RALGAPA2: variants seen among roughly 807,000 people sequenced by gnomAD.
RALGAPA2 encodes Ral GTPase activating protein catalytic subunit alpha 2.
In RALGAPA2, 139 loss-of-function variants were observed where a neutral mutation model predicts 230.4. That is an observed-to-expected ratio of 0.60 (90% CI 0.53 to 0.69). RALGAPA2 has a LOEUF of 0.69. Among genes scored for constraint, RALGAPA2 ranks in the 30% least tolerant of loss-of-function variants. The pLI is 0.00. For missense variants in RALGAPA2, 2,163 were observed against 2,276.0 expected, an observed-to-expected ratio of 0.95 and a Z score of 1.01; for synonymous variants, 847 against 837.8, an observed-to-expected ratio of 1.01 and a Z score of -0.19.
chr20:20,453,062 T>C (rs549967303), intron 37 of RALGAPA2, among the ~76,000 whole-genome samples: 25 of 152,344 alleles, frequency 1.6e-4, no homozygotes, highest in African/African-American at 5.1e-4. Flanking sequence ...ATAAAAAAGT[T>C]TGTGACATAA....
intron 1 of RALGAPA2, among the ~76,000 whole-genome samples, chr20:20,706,100 C>T (rs979019930): frequency 2.0e-5 from 3 of 152,142 alleles, no homozygotes; most frequent in African/African-American, 7.2e-5. Context: ...AAATAAAAAT[C>T]CAAATTATAA....
intron 4 of RALGAPA2, among the ~76,000 whole-genome samples, chr20:20,645,106 CTT>C (rs71198064): frequency 5.8e-3 from 347 of 59,412 alleles, no homozygotes; most frequent in African/African-American, 0.019. Context: ...GGTGGTGGTG[CTT>C]TTTTTTTTTT....
At chr20:20,475,842 A>G (rs1437382203) in intron 36 of RALGAPA2, among the ~76,000 whole-genome samples, 1 of 152,170 alleles carries the variant, frequency 6.6e-6, no homozygotes, top group Non-Finnish European at 1.5e-5. Flanking sequence ...TATCATGATT[A>G]TGTATATGAA....
At position 20,489,906 on chromosome 20, in the gene RALGAPA2, G is replaced by T. The variant is rs1034396932; in HGVS notation, c.5367+5211C>A. On this transcript the variant is annotated intron_variant, in intron 36 of 39. Coordinates refer to ENST00000202677, the MANE Select transcript of RALGAPA2 (RefSeq NM_020343.4). ...TACATTACCATTTGCCATTTGGTAT[G>T]CATTTACACAGGCTGGCTCTGGCTG... 9.2e-5 allele frequency among the ~76,000 whole-genome samples: 14 copies of T among 152,336 alleles called. No individual in the cohort carries two copies. In the East Asian group the frequency reaches 2.3e-3, roughly 25 times the overall value.
chr20:20,583,932 A>G (rs2065058783), intron 19 of RALGAPA2, among the ~76,000 whole-genome samples: 1 of 152,108 alleles, frequency 6.6e-6, no homozygotes, highest in Admixed American at 6.6e-5. Flanking sequence ...TGCTCTCTGT[A>G]TCTACTCCTA....
chr20:20,524,290 C>G, intron 30 of RALGAPA2, 116 bp downstream of exon 30: 3 of 1,374,376 alleles, frequency 2.2e-6, no homozygotes. Flanking sequence ...GTTTAAGCCA[C>G]CATAAATCCT....
In RALGAPA2 at chr20:20,548,449, G is replaced by C. The variant is rs377069466; in HGVS notation, c.3157-1617C>G. On this transcript the variant is annotated intron_variant, in intron 23 of 39. Transcript: ENST00000202677. The stretch of plus-strand genomic sequence containing the variant: ...TTACTGTATAATGCTTAATTCAGTA[G>C]AGTTCACATATGGTAAATAGTTTAG... Among the ~76,000 whole-genome samples, 5 of 151,890 alleles carry C rather than the reference G, an allele frequency of 3.3e-5. No individual in the cohort carries two copies. In the East Asian group the frequency reaches 7.7e-4, roughly 23 times the overall value.
intron 24 of RALGAPA2, among the ~76,000 whole-genome samples, chr20:20,537,348 G>A (rs1418502489): frequency 6.6e-6 from 1 of 152,076 alleles, no homozygotes; most frequent in African/African-American, 2.4e-5. Flanking sequence ...GGCTGGGTGC[G>A]GTGGCTCACA....
chr20:20,427,284 T>G (rs1296126971), intron 37 of RALGAPA2, among the ~76,000 whole-genome samples: 2 of 152,182 alleles, frequency 1.3e-5, no homozygotes, highest in Non-Finnish European at 2.9e-5. Flanking sequence ...CAAATTAAAC[T>G]TCAATACTTG....
intron 20 of RALGAPA2, among the ~76,000 whole-genome samples, chr20:20,581,580 TG>T (rs1207230162): frequency 2.6e-5 from 4 of 152,164 alleles, no homozygotes; most frequent in African/African-American, 4.8e-5. Flanking sequence ...AAAACAGACA[TG>T]ATAAGACTTG....
At chr20:20,451,186 G>T (rs954323077) in intron 37 of RALGAPA2, among the ~76,000 whole-genome samples, 1 of 152,130 alleles carries the variant, frequency 6.6e-6, no homozygotes. Flanking sequence ...CTGGAATATA[G>T]AAAGTGAGGC....
chr20:20,533,428 T>A (rs924273058), intron 26 of RALGAPA2, among the ~76,000 whole-genome samples: 3 of 152,148 alleles, frequency 2.0e-5, no homozygotes, highest in Non-Finnish European at 4.4e-5. Context: ...TGTAAAATAT[T>A]TGATTCACTA....
At chr20:20,453,321 T>G (rs1211357676) in intron 37 of RALGAPA2, among the ~76,000 whole-genome samples, 1 of 152,006 alleles carries the variant, frequency 6.6e-6, no homozygotes, top group Non-Finnish European at 1.5e-5. Flanking sequence ...CACATCTCCT[T>G]ATGAGTGAGG....
chr20:20,623,862 A>G (rs2066401607), intron 10 of RALGAPA2, among the ~76,000 whole-genome samples: 2 of 152,120 alleles, frequency 1.3e-5, no homozygotes, highest in African/African-American at 4.8e-5. Context: ...TTATTTCTTT[A>G]AATATGTTAA....
At chr20:20,394,889 C>CAAAAA (rs10673778) in intron 39 of RALGAPA2, among the ~76,000 whole-genome samples, 17 of 44,614 alleles carry the variant, frequency 3.8e-4, no homozygotes, top group East Asian at 7.7e-4. Context: ...AATAAATAAG[C>CAAAAA]AAAAAAAAAA....
chr20:20,608,532 G>A, intron 14 of RALGAPA2, among the ~76,000 whole-genome samples: 1 of 152,016 alleles, frequency 6.6e-6, no homozygotes, highest in Non-Finnish European at 1.5e-5. Flanking sequence ...AAGATAAAAA[G>A]GGTAATAAAA....
chr20:20,537,911 C>T (rs929169267), intron 24 of RALGAPA2, among the ~76,000 whole-genome samples: 8 of 152,174 alleles, frequency 5.3e-5, no homozygotes, highest in African/African-American at 9.7e-5. Context: ...AGAAAACTGA[C>T]GCCAAAGAAG....
intron 20 of RALGAPA2, among the ~76,000 whole-genome samples, chr20:20,582,172 G>A (rs913246042): frequency 1.3e-5 from 2 of 151,282 alleles, no homozygotes; most frequent in Non-Finnish European, 3.0e-5. Flanking sequence ...GTGTGTGTGT[G>A]TGTGTGTGTG....
chr20:20,498,401 G>GTT (rs1286322844), intron 35 of RALGAPA2, among the ~76,000 whole-genome samples: 1 of 152,228 alleles, frequency 6.6e-6, no homozygotes, highest in Non-Finnish European at 1.5e-5. Context: ...TCCTAACAGA[G>GTT]TTTTAAAGTC....
Sources: gnomAD v4.1 joint callset for allele counts (sites outside exome capture counted in the v4.1 genomes callset) on GRCh38, gnomAD v4.1.1 for gene constraint, MANE v1.5 for transcripts, NCBI Gene and HGNC (gene_info 2026-07-23, HGNC 2026-07-21) for gene names.